Variants in CELF2 observed in about 807,000 individuals in gnomAD.
The protein encoded by CELF2 is CUG triplet repeat RNA-binding protein 2.
CELF2 carries 8 observed loss-of-function variants against 62.6 expected under a neutral mutation model. The observed-to-expected ratio is 0.13, with a 90% CI of 0.07 to 0.23. The LOEUF (loss-of-function observed/expected upper bound fraction) is 0.23. Among genes scored for constraint, CELF2 ranks in the 10% least tolerant of loss-of-function variants. The pLI is 1.00. For missense variants in CELF2, 333 were observed against 671.0 expected (o/e 0.50, Z 5.56); for synonymous variants, 258 against 250.0 (o/e 1.03, Z -0.30).
chr10:10,686,560 G>A, the CELF2 span, among the ~76,000 whole-genome samples: 1 of 152,034 alleles, frequency 6.6e-6, no homozygotes, highest in Non-Finnish European at 1.5e-5. Context: ...TTGAATCATA[G>A]GGTAGTTTCC....
intron 2 of CELF2, among the ~76,000 whole-genome samples, chr10:11,182,390 T>C (rs1346392207): frequency 6.6e-6 from 1 of 152,160 alleles, no homozygotes; most frequent in Non-Finnish European, 1.5e-5. Context: ...ATACGACCCT[T>C]TTATGAGGCT....
chr10:10,922,791 G>A (rs918012139), intron 2 of CELF2: 14 of 152,148 alleles, frequency 9.2e-5, no homozygotes, highest in African/African-American at 2.9e-4. Context: ...GTACTGCCTG[G>A]CGATAAAGGA....
chr10:10,511,525 A>C, the CELF2 span, among the ~76,000 whole-genome samples: 1 of 152,110 alleles, frequency 6.6e-6, no homozygotes, highest in African/African-American at 2.4e-5. Flanking sequence ...ATAAAGTGTA[A>C]AGGAAAAAAG....
chr10:10,903,798 T>G (rs1448460967), intron 1 of CELF2, among the ~76,000 whole-genome samples: 1 of 152,206 alleles, frequency 6.6e-6, no homozygotes, highest in Admixed American at 6.5e-5. Flanking sequence ...CAGAGCCACC[T>G]GCACAGGGGC....
chr10:10,978,023 G>A (rs1259349895), intron 2 of CELF2, among the ~76,000 whole-genome samples: 11 of 150,650 alleles, frequency 7.3e-5, no homozygotes, highest in Non-Finnish European at 1.5e-4. Flanking sequence ...TTTGGGTTTG[G>A]GTTTTTTTTT....
rs1485000898 is a variant in CELF2, at chr10:11,329,478, G to T, written c.*425G>T. 6.5e-6 allele frequency: 1 copy of T among 152,788 alleles called. No homozygotes were observed. Among genetic ancestry groups the T allele is most frequent in the African/African-American group, 2.4e-5 (1 of 41,440 alleles). The allele number at this position is 152,788 out of a possible 1,614,324, so 9.5% of individuals were successfully genotyped here. On this transcript the variant is annotated 3_prime_UTR_variant, in exon 13 of 13. Transcript: ENST00000633077. The surrounding 1 kb of genome is among the most constrained non-coding windows in gnomAD (Gnocchi z 5.5). Reference sequence around the variant, plus strand: ...CACTGGTGCCCCGAGAGCACTGCCTGGAGAATTCACCCCTCCTTGCCCGGC... The same window carrying T: ...CACTGGTGCCCCGAGAGCACTGCCTTGAGAATTCACCCCTCCTTGCCCGGC...
At chr10:11,108,296 C>G (rs963928569) in intron 1 of CELF2, among the ~76,000 whole-genome samples, 3 of 151,230 alleles carry the variant, frequency 2.0e-5, no homozygotes, top group Admixed American at 2.0e-4. Context: ...TAGATACTTG[C>G]ATGAATTAGT....
At chr10:10,572,040 A>G in the CELF2 span, among the ~76,000 whole-genome samples, 3 of 152,138 alleles carry the variant, frequency 2.0e-5, no homozygotes, top group East Asian at 1.9e-4. Flanking sequence ...GGCCGTGGCC[A>G]TGGAGAATAG....
At chr10:10,514,025 A>G in the CELF2 span, among the ~76,000 whole-genome samples, 6 of 152,124 alleles carry the variant, frequency 3.9e-5, no homozygotes, top group African/African-American at 1.4e-4. Context: ...AGAGCCTTCC[A>G]CTTGCTCTCA....
chr10:10,741,182 G>A, the CELF2 span, among the ~76,000 whole-genome samples: 74 of 152,258 alleles, frequency 4.9e-4, no homozygotes, highest in African/African-American at 1.6e-3. Flanking sequence ...AGAACATCAT[G>A]TTGTATACCT....
At chr10:11,205,719 A>G (rs1230132860) in intron 2 of CELF2, among the ~76,000 whole-genome samples, 1 of 152,206 alleles carries the variant, frequency 6.6e-6, no homozygotes, top group Admixed American at 6.5e-5. Context: ...CTTGGCCCCA[A>G]AAGTGAATTT....
At chr10:11,144,971 G>T (rs1356366461) in intron 1 of CELF2, among the ~76,000 whole-genome samples, 1 of 150,470 alleles carries the variant, frequency 6.6e-6, no homozygotes, top group Non-Finnish European at 1.5e-5. Flanking sequence ...TTGAAAATAT[G>T]CGAAGCTGTA....
chr10:11,027,790 A>G (rs578062334), intron 1 of CELF2, among the ~76,000 whole-genome samples: 9 of 152,198 alleles, frequency 5.9e-5, no homozygotes, highest in Non-Finnish European at 1.2e-4. Context: ...TTCCATGCCT[A>G]CTTCAAGTCT....
At chr10:10,687,776 C>T in the CELF2 span, among the ~76,000 whole-genome samples, 3 of 152,304 alleles carry the variant, frequency 2.0e-5, no homozygotes, top group African/African-American at 7.2e-5. Context: ...CGGGATGCAA[C>T]ATTTACATAA....
At chr10:10,593,529 G>A in the CELF2 span, among the ~76,000 whole-genome samples, 38 of 152,216 alleles carry the variant, frequency 2.5e-4, no homozygotes, top group African/African-American at 7.2e-4. Flanking sequence ...GCAAGTCACC[G>A]GCCAAGTCCA....
intron 1 of CELF2, among the ~76,000 whole-genome samples, chr10:11,036,264 A>C (rs76215300): frequency 0.019 from 2,969 of 152,296 alleles, 46 homozygotes; most frequent in Middle Eastern, 0.048. Flanking sequence ...TTATTATTCA[A>C]ATCTGTGTTT....
At chr10:11,283,306 T>TC (rs1291413474) in intron 8 of CELF2, among the ~76,000 whole-genome samples, 5 of 152,214 alleles carry the variant, frequency 3.3e-5, no homozygotes, top group Non-Finnish European at 7.3e-5. Context: ...TGGGATTTCT[T>TC]CCCCACTCCC....
At chr10:11,313,784 T>C (rs1289686725) in intron 9 of CELF2, among the ~76,000 whole-genome samples, 2 of 126,922 alleles carry the variant, frequency 1.6e-5, no homozygotes, top group Non-Finnish European at 3.4e-5. Flanking sequence ...CTCATGCCCA[T>C]AGGCTTAAAA....
chr10:11,186,064 T>G (rs943208599), intron 2 of CELF2, among the ~76,000 whole-genome samples: 1 of 152,186 alleles, frequency 6.6e-6, no homozygotes. Context: ...GCATTTTTCC[T>G]TTCAGATAAT....
Sources: gnomAD v4.1 joint callset for allele counts (sites outside exome capture counted in the v4.1 genomes callset) on GRCh38, gnomAD v4.1.1 for gene constraint, Gnocchi (gnomAD v3.1) non-coding constraint, MANE v1.5 for transcripts, NCBI Gene and HGNC (gene_info 2026-07-23, HGNC 2026-07-21) for gene names.